The following LPA variants were observed in gnomAD, a reference collection of about 807,000 sequenced individuals.
LPA encodes the protein apolipoprotein(a).
In LPA, 199 loss-of-function variants were observed where a neutral mutation model predicts 197.9. That is an observed-to-expected ratio of 1.01 (90% CI 0.90 to 1.13). The LOEUF (loss-of-function observed/expected upper bound fraction) is 1.13. LPA is among the 50% of genes most tolerant of loss of function. The probability of loss-of-function intolerance (pLI) is 0.00; values close to 1 mark genes in which losing one functional copy is unlikely to be tolerated. For synonymous variants in LPA, 715 were observed against 639.5 expected (o/e 1.12, Z -1.78); for missense variants, 1,853 against 1,785.8 (o/e 1.04, Z -0.68).
At chr6:160,579,020 C>T (rs1778739870) in intron 26 of LPA, among the ~76,000 whole-genome samples, 1 of 152,090 alleles carries the variant, frequency 6.6e-6, no homozygotes, top group South Asian at 2.1e-4. Flanking sequence ...TACTTTCCTC[C>T]AGAATAAATG....
At chr6:160,576,489 T>A (rs963306056) in intron 28 of LPA, among the ~76,000 whole-genome samples, 1 of 142,832 alleles carries the variant, frequency 7.0e-6, no homozygotes, top group African/African-American at 2.5e-5. Context: ...CATACCTGAA[T>A]ATTTATATAT....
chr6:160,605,299 A>G lies in LPA; in HGVS notation c.2786-94T>C, dbSNP rs1779324702. The G allele has an allele frequency of 1.4e-5, 20 of 1,418,548 alleles. No homozygotes were observed. In the South Asian group the frequency reaches 1.9e-4, roughly 14 times the overall value. 87.9% of individuals were successfully genotyped at this position (1,418,548 alleles called of 1,614,324 possible). A position where few individuals can be genotyped will look rare whatever the true frequency, so the allele number is the denominator to read the frequency against. ...GGCACAAACCAGAAAAAAGTCTCTG[A>G]GAATTATGACCTCAGGAGAATATGA... On this transcript the variant is annotated intron_variant, in intron 17 of 38. Coordinates refer to ENST00000316300, the MANE Select transcript of LPA (RefSeq NM_005577.4).
In LPA at chr6:160,548,032, C is replaced by T. The variant is rs41264846; in HGVS notation, c.5156-95G>A. On this transcript the variant is annotated intron_variant, in intron 31 of 38. Coordinates refer to ENST00000316300, the MANE Select transcript of LPA (RefSeq NM_005577.4). ...ACAGAATCAATGCAGTCATGTCAGG[C>T]TTCTCTAGGACGACAGAATCAGGGG... The T allele has an allele frequency of 5.3e-6, 7 of 1,326,004 alleles. No individual in the cohort carries two copies. In the African/African-American group the frequency reaches 1.0e-4, roughly 19 times the overall value. The allele number at this position is 1,326,004 out of a possible 1,614,324, so 82.1% of individuals were successfully genotyped here.
At chr6:160,603,559 T>C (rs1779286605) in intron 18 of LPA, among the ~76,000 whole-genome samples, 1 of 152,230 alleles carries the variant, frequency 6.6e-6, no homozygotes, top group Admixed American at 6.5e-5. Flanking sequence ...CATATTGATA[T>C]GTCAAATTTT....
chr6:160,580,147 C>T (rs879760748), intron 26 of LPA, among the ~76,000 whole-genome samples: 6 of 152,170 alleles, frequency 3.9e-5, no homozygotes, highest in South Asian at 2.1e-4. Context: ...TACACTTTGA[C>T]GTCTGGCTTC....
At chr6:160,549,834 A>C (rs1164231662) in intron 30 of LPA, among the ~76,000 whole-genome samples, 1 of 152,224 alleles carries the variant, frequency 6.6e-6, no homozygotes, top group Non-Finnish European at 1.5e-5. Context: ...ATGAAGGAAC[A>C]GTGGGACCCA....
chr6:160,555,184 C>CT, intron 30 of LPA, among the ~76,000 whole-genome samples: 1 of 150,178 alleles, frequency 6.7e-6, no homozygotes, highest in East Asian at 1.9e-4. Context: ...ACCCATATCC[C>CT]TTCAGAAAAC....
intron 21 of LPA, 104 bp downstream of exon 21, chr6:160,595,250 A>C (rs894510096): frequency 7.8e-6 from 11 of 1,415,062 alleles, no homozygotes; most frequent in African/African-American, 7.1e-5. Context: ...TCCACATTCT[A>C]CTTGGAATTG....
intron 6 of LPA, among the ~76,000 whole-genome samples, chr6:160,637,540 AGTTTGTGTGT>A (rs1779820015): frequency 6.6e-4 from 10 of 15,170 alleles, no homozygotes; most frequent in Admixed American, 1.1e-3. Flanking sequence ...GTGTGTTTTC[AGTTTGTGTGT>A]GTGTGTGTGT....
intron 30 of LPA, among the ~76,000 whole-genome samples, chr6:160,554,567 C>T (rs141742152): frequency 7.2e-5 from 11 of 152,102 alleles, no homozygotes; most frequent in South Asian, 2.1e-4. Context: ...ACTGAATGCC[C>T]GAGATGTTCA....
intron 32 of LPA, among the ~76,000 whole-genome samples, chr6:160,546,844 T>C (rs1778079469): frequency 6.6e-6 from 1 of 152,142 alleles, no homozygotes; most frequent in South Asian, 2.1e-4. Context: ...ATCTCAGTCT[T>C]CCCTATTCAT....
chr6:160,537,534 T>C (rs1777912664), intron 37 of LPA, among the ~76,000 whole-genome samples: 1 of 152,172 alleles, frequency 6.6e-6, no homozygotes, highest in African/African-American at 2.4e-5. Context: ...GCAATATGAA[T>C]GCTGAAATTA....
intron 24 of LPA, among the ~76,000 whole-genome samples, chr6:160,587,225 T>G (rs1778928052): frequency 6.6e-6 from 1 of 152,234 alleles, no homozygotes; most frequent in South Asian, 2.1e-4. Flanking sequence ...ATATGCTCCC[T>G]CCTTGGTCTG....
chr6:160,610,329 T>C (rs1779466091), intron 16 of LPA, among the ~76,000 whole-genome samples: 1 of 152,176 alleles, frequency 6.6e-6, no homozygotes. Context: ...GCTTTTCAGC[T>C]GTGCAAGGGG....
chr6:160,541,069 G>T, intron 35 of LPA, 38 bp downstream of exon 35: 1 of 1,576,014 alleles, frequency 6.3e-7, no homozygotes, highest in South Asian at 1.1e-5. Flanking sequence ...AAAAAGTCTT[G>T]AAGATAAGAC....
rs1778053715 is a variant in LPA, at chr6:160,545,522, G to T, written c.5316C>A (p.Asn1772Lys). ...AGGGACCATTGATGTCACCATCAGG[G>T]TTACGGCAGTACTGAAAACAAGCAG... ...WAGLEKNYCR[N>K]PDGDINGPWC... is the part of the protein sequence containing the mutation. Residue 1772 changes from asparagine to lysine, a missense_variant, in exon 33 of 39, where the codon AAC becomes AAA. By Grantham distance (94) the Asn-to-Lys change is moderately conservative (BLOSUM62 0). Coordinates refer to ENST00000316300, the MANE Select transcript of LPA (RefSeq NM_005577.4). 5 of 1,611,780 alleles carry T rather than the reference G, an allele frequency of 3.1e-6. No homozygotes were observed. Among genetic ancestry groups the T allele is most frequent in the Non-Finnish European group, 4.2e-6 (5 of 1,177,942 alleles).
intron 28 of LPA, among the ~76,000 whole-genome samples, chr6:160,558,078 CCT>C (rs1778297854): frequency 6.6e-6 from 1 of 152,196 alleles, no homozygotes; most frequent in Non-Finnish European, 1.5e-5. Context: ...CGCCACCACG[CCT>C]GGCTAATTTT....
At position 160,574,450 on chromosome 6, in the gene LPA, G is replaced by T. The variant is rs550942199; in HGVS notation, c.4631+2686C>A. Reference sequence around the variant, plus strand: ...CTCCCCCTGTTCAAATTGTTAGAAAGTTCAGGTAGAGCAGTCCTCCATGTG... The same window carrying T: ...CTCCCCCTGTTCAAATTGTTAGAAATTTCAGGTAGAGCAGTCCTCCATGTG... On this transcript the variant is annotated intron_variant, in intron 28 of 38. Coordinates refer to ENST00000316300, the MANE Select transcript of LPA (RefSeq NM_005577.4). 8.5e-5 allele frequency among the ~76,000 whole-genome samples: 13 copies of T among 152,158 alleles called. No homozygotes were observed. The South Asian group carries it at 2.5e-3, about 29-fold the overall frequency.
In LPA at chr6:160,532,556, A is replaced by G. The variant is rs1387035634; in HGVS notation, c.5936T>C (p.Leu1979Ser). 6.2e-7 allele frequency: 1 copy of G among 1,611,190 alleles called. No individual in the cohort carries two copies. The highest frequency in any genetic ancestry group is 8.5e-7 in the Non-Finnish European group (1 of 1,177,344). Residue 1979 changes from leucine to serine, a missense_variant, in exon 38 of 39, where the codon TTG becomes TCG. This residue lies in a region of LPA where 1,737 missense variants were observed against 1,504.4 expected (regional missense o/e 1.15). Coordinates refer to ENST00000316300, the MANE Select transcript of LPA (RefSeq NM_005577.4). ...CTGGCAACTGTCAGTGCCTCTGGCC[A>G]AATGCTCAGCACAAATATACTTATA... ...NHYKYICAEH[L>S]ARGTDSCQGD...
Sources: allele counts gnomAD v4.1 joint callset (sites outside exome capture counted in the v4.1 genomes callset), GRCh38; gene constraint gnomAD v4.1.1; regional missense constraint gnomAD v4.1.1; transcripts MANE v1.5; gene names NCBI Gene and HGNC (gene_info 2026-07-23, HGNC 2026-07-21).